Variants in WDFY4 observed in about 807,000 individuals in gnomAD.
The protein encoded by WDFY4 is WD repeat- and FYVE domain-containing protein 4.
WDFY4 carries 169 observed loss-of-function variants against 351.9 expected under a neutral mutation model. That is an observed-to-expected ratio of 0.48 (90% CI 0.42 to 0.55). The LOEUF (loss-of-function observed/expected upper bound fraction) is 0.55. Among genes scored for constraint, WDFY4 ranks in the 20% least tolerant of loss-of-function variants. The probability of loss-of-function intolerance (pLI) is 0.00; values close to 1 mark genes in which losing one functional copy is unlikely to be tolerated. For missense variants in WDFY4, 3,803 were observed against 3,935.6 expected (o/e 0.97, Z 0.90); for synonymous variants, 1,622 against 1,574.6 (o/e 1.03, Z -0.71).
At chr10:48,832,977 G>A (rs2068244667) in intron 39 of WDFY4, among the ~76,000 whole-genome samples, 1 of 152,176 alleles carries the variant, frequency 6.6e-6, no homozygotes, top group Non-Finnish European at 1.5e-5. Flanking sequence ...GCCCAGCAAA[G>A]GTGGACAGAA....
intron 39 of WDFY4, among the ~76,000 whole-genome samples, chr10:48,849,207 C>T (rs1188922568): frequency 6.6e-6 from 1 of 152,132 alleles, no homozygotes; most frequent in Non-Finnish European, 1.5e-5. Context: ...ATAAAGAAGA[C>T]AGCCTATGGA....
chr10:48,940,972 C>A (rs1039846005), intron 47 of WDFY4, among the ~76,000 whole-genome samples: 1 of 152,166 alleles, frequency 6.6e-6, no homozygotes, highest in Non-Finnish European at 1.5e-5. Context: ...TTTAAAGGAA[C>A]CATTTGGCCA....
At position 48,826,901 on chromosome 10, in the gene WDFY4, T is replaced by C. The variant is rs1289021765; in HGVS notation, c.6213T>C (p.Asn2071=). The C allele has an allele frequency of 1.2e-5, 18 of 1,551,434 alleles. No individual in the cohort carries two copies. Among genetic ancestry groups the C allele is most frequent in the Non-Finnish European group, 1.6e-5 (18 of 1,146,876 alleles). ...LCLMHCLLLL[N]ERSYPEGFGL... ...TCATGCATTGCCTTTTGCTACTCAA[T>C]GAGAGAAGGTAAGAGCTGCCCACTT... Residue 2071 remains asparagine, a synonymous_variant, in exon 36 of 62, where the codon AAT becomes AAC. Coordinates refer to ENST00000325239, the MANE Select transcript of WDFY4 (RefSeq NM_001394531.1).
At chr10:48,801,807 C>T (rs1489962346) in intron 24 of WDFY4, among the ~76,000 whole-genome samples, 3 of 152,188 alleles carry the variant, frequency 2.0e-5, no homozygotes, top group African/African-American at 4.8e-5. Context: ...ACAGGCCTCC[C>T]GATAAACTTG....
chr10:48,695,182 C>G (rs965874604), intron 1 of WDFY4, among the ~76,000 whole-genome samples: 89 of 152,312 alleles, frequency 5.8e-4, no homozygotes, highest in African/African-American at 1.9e-3. Context: ...GCTAATGAAC[C>G]CTTATCCTTG....
At chr10:48,798,741 G>A (rs1389595023) in intron 24 of WDFY4, among the ~76,000 whole-genome samples, 2 of 152,170 alleles carry the variant, frequency 1.3e-5, no homozygotes, top group African/African-American at 2.4e-5. Flanking sequence ...CTTCTTTAAC[G>A]AGCTAATCTT....
intron 32 of WDFY4, among the ~76,000 whole-genome samples, chr10:48,818,077 C>T (rs999600663): frequency 7.9e-5 from 12 of 152,090 alleles, no homozygotes; most frequent in African/African-American, 2.4e-4. Flanking sequence ...AGCTGGGAAG[C>T]GAGAAGGAGG....
chr10:48,787,908 T>TC lies in WDFY4; in HGVS notation c.3809-621dup, dbSNP rs1565198717. The stretch of plus-strand genomic sequence containing the variant: ...TTCTTCTTCTCCTTCTTCTTCTTCT[T>TC]CTTCTTCTTCTTCTTCTTCTTCTTC... On this transcript the variant is annotated intron_variant, in intron 20 of 61. Transcript: ENST00000325239. Among the ~76,000 whole-genome samples, 32 of 37,982 alleles carry TC rather than the reference T, an allele frequency of 8.4e-4. 3 individuals carry two copies. Among genetic ancestry groups the TC allele is most frequent in the African/African-American group, 4.8e-3 (32 of 6,710 alleles). The allele number at this position is 37,982 out of a possible 152,430, so 24.9% of individuals were successfully genotyped here.
chr10:48,803,072 G>A (rs1479664836), intron 24 of WDFY4, among the ~76,000 whole-genome samples: 1 of 152,220 alleles, frequency 6.6e-6, no homozygotes, highest in Admixed American at 6.5e-5. Context: ...GAAGTGCCAA[G>A]TAGCAGCAGA....
rs139599362 is a variant in WDFY4 at position 48,709,653 on chromosome 10, A to C, written c.-17-63A>C. The C allele has an allele frequency of 1.4e-3, 1,929 of 1,426,878 alleles. 25 individuals are homozygous for C. The African/African-American group carries it at 0.025, about 18-fold the overall frequency. 88.4% of individuals were successfully genotyped at this position (1,426,878 alleles called of 1,614,324 possible). A position where few individuals can be genotyped will look rare whatever the true frequency, so the allele number is the denominator to read the frequency against. On this transcript the variant is annotated intron_variant, in intron 1 of 61. Coordinates refer to ENST00000325239, the MANE Select transcript of WDFY4 (RefSeq NM_001394531.1). The stretch of plus-strand genomic sequence containing the variant: ...GCTGAGTGAGTACAGTACCTTATCC[A>C]CAGCCAGAATCATCAGGAAGTGATG...
At chr10:48,923,520 A>ATATATATATATAT in intron 47 of WDFY4, among the ~76,000 whole-genome samples, 1 of 99,732 alleles carries the variant, frequency 1.0e-5, no homozygotes, top group African/African-American at 2.9e-5. Flanking sequence ...ATATGTCCCA[A>ATATATATATATAT]ATACCGCATA....
chr10:48,897,774 C>T (rs927428352), intron 45 of WDFY4, among the ~76,000 whole-genome samples, 200 bp downstream of exon 45: 1 of 152,274 alleles, frequency 6.6e-6, no homozygotes, highest in African/African-American at 2.4e-5. Flanking sequence ...ACTTCTGCTC[C>T]ACTCTGCAGT....
intron 1 of WDFY4, among the ~76,000 whole-genome samples, chr10:48,708,428 C>T (rs547894285): frequency 2.6e-4 from 39 of 152,322 alleles, no homozygotes; most frequent in Non-Finnish European, 5.3e-4. Context: ...CTCTATGTCC[C>T]TCTGGTCACT....
chr10:48,906,233 A>G (rs959339534), intron 47 of WDFY4, among the ~76,000 whole-genome samples: 1 of 152,228 alleles, frequency 6.6e-6, no homozygotes, highest in African/African-American at 2.4e-5. Context: ...CCTAGGCTAC[A>G]GATTTTCATG....
At position 48,821,153 on chromosome 10, in the gene WDFY4, G is replaced by A; in HGVS notation, c.5801G>A (p.Gly1934Glu). 1 of 1,551,664 alleles carries A rather than the reference G, an allele frequency of 6.4e-7. No homozygotes were observed. Among genetic ancestry groups the A allele is most frequent in the Non-Finnish European group, 8.7e-7 (1 of 1,146,910 alleles). ...SAMELFHMTSGGDAAMFRDGK... is the reference protein window; with the variant it reads ...SAMELFHMTSEGDAAMFRDGK... ...ATGGAACTATTCCACATGACAAGTG[G>A]AGGTGATGCAGCGATGTTCAGAGGT... The change falls in exon 34 of 62, where the codon GGA becomes GAA. Residue 1934 changes from glycine to glutamate, a missense_variant. This residue lies in a region of WDFY4 where 3,054 missense variants were observed against 3,148.6 expected (regional missense o/e 0.97). Transcript: ENST00000325239.
chr10:48,699,217 G>A (rs567951123), intron 1 of WDFY4, among the ~76,000 whole-genome samples: 8 of 152,292 alleles, frequency 5.3e-5, no homozygotes, highest in South Asian at 2.1e-4. Flanking sequence ...AGAAGAGGGT[G>A]GGGCCTGGCC....
chr10:48,938,548 G>A (rs1840549247), intron 47 of WDFY4, among the ~76,000 whole-genome samples: 1 of 152,256 alleles, frequency 6.6e-6, no homozygotes, highest in Non-Finnish European at 1.5e-5. Flanking sequence ...TGCTCTGGGG[G>A]CCTGGTTTCA....
intron 57 of WDFY4, among the ~76,000 whole-genome samples, chr10:48,974,237 T>C (rs1056402114): frequency 6.6e-6 from 1 of 151,896 alleles, no homozygotes; most frequent in Non-Finnish European, 1.5e-5. Flanking sequence ...GTGTGATGGC[T>C]CACACCTGTA....
chr10:48,971,980 G>A (rs563070897), intron 57 of WDFY4, among the ~76,000 whole-genome samples: 1 of 152,292 alleles, frequency 6.6e-6, no homozygotes, highest in Admixed American at 6.5e-5. Flanking sequence ...TGGCCTTGGG[G>A]TACTGGGGCA....
Sources: allele counts gnomAD v4.1 joint callset (sites outside exome capture counted in the v4.1 genomes callset), GRCh38; gene constraint gnomAD v4.1.1; regional missense constraint gnomAD v4.1.1; transcripts MANE v1.5; gene names NCBI Gene and HGNC (gene_info 2026-07-23, HGNC 2026-07-21).